CSTPP1: variants seen among roughly 807,000 people sequenced by gnomAD.
CSTPP1 encodes centriolar satellite-associated tubulin polyglutamylase complex regulator 1.
the CSTPP1 span, among the ~76,000 whole-genome samples, chr11:47,152,293 G>A: frequency 1.3e-5 from 2 of 151,938 alleles, no homozygotes; most frequent in Admixed American, 6.6e-5. Context: ...GCACCTGCAG[G>A]GCTGCCCTGC....
the CSTPP1 span, among the ~76,000 whole-genome samples, chr11:47,025,177 A>G: frequency 5.9e-5 from 9 of 152,210 alleles, no homozygotes; most frequent in Non-Finnish European, 1.3e-4. Flanking sequence ...ACATGGATTT[A>G]CCAGTAGCTT....
chr11:47,103,660 A>G, the CSTPP1 span: 1 of 150,168 alleles, frequency 6.7e-6, no homozygotes, highest in Non-Finnish European at 1.4e-5. Flanking sequence ...CCCTGAAACA[A>G]TAGAATGGCC....
At chr11:47,069,750 C>T in the CSTPP1 span, among the ~76,000 whole-genome samples, 1 of 151,868 alleles carries the variant, frequency 6.6e-6, no homozygotes, top group African/African-American at 2.4e-5. Flanking sequence ...ACTCTGTAGC[C>T]CAGGTTGGAG....
chr11:47,126,697 C>T, the CSTPP1 span, among the ~76,000 whole-genome samples: 1 of 151,034 alleles, frequency 6.6e-6, no homozygotes, highest in Non-Finnish European at 1.5e-5. Context: ...TTTGGGAGAC[C>T]GAGGCAGGTG....
the CSTPP1 span, among the ~76,000 whole-genome samples, chr11:47,015,073 T>C: frequency 1.3e-5 from 2 of 152,022 alleles, no homozygotes; most frequent in African/African-American, 4.8e-5. Context: ...AATAAGGAAA[T>C]ATTATCAATT....
the CSTPP1 span, among the ~76,000 whole-genome samples, chr11:46,994,158 C>T: frequency 1.3e-5 from 2 of 152,190 alleles, no homozygotes; most frequent in African/African-American, 2.4e-5. Context: ...AGTTGCTTAT[C>T]AGCTTAAGGA....
At chr11:47,103,717 T>A in the CSTPP1 span, 1 of 136,252 alleles carries the variant, frequency 7.3e-6, no homozygotes, top group East Asian at 2.5e-4. Context: ...CACTCTTGCC[T>A]AGGCTGGAGT....
the CSTPP1 span, among the ~76,000 whole-genome samples, chr11:47,158,904 GAA>G: frequency 1.3e-5 from 2 of 152,180 alleles, no homozygotes; most frequent in African/African-American, 4.8e-5. Flanking sequence ...GAGTCTCAAG[GAA>G]AAGACACACA....
the CSTPP1 span, chr11:47,161,120 C>G: frequency 6.2e-7 from 1 of 1,614,136 alleles, no homozygotes; most frequent in South Asian, 1.1e-5. Context: ...CCCCAATGAT[C>G]TCCTAGGAGC....
the CSTPP1 span, among the ~76,000 whole-genome samples, chr11:47,086,009 A>G: frequency 2.0e-5 from 3 of 151,980 alleles, no homozygotes; most frequent in Non-Finnish European, 4.4e-5. Context: ...TCAGAAGATT[A>G]GAGTCAAGGA....
the CSTPP1 span, chr11:47,041,975 G>A: frequency 1.4e-5 from 3 of 217,574 alleles, 1 homozygote; most frequent in Non-Finnish European, 9.7e-6. Context: ...AGACTGAGGT[G>A]GAAGGATCAC....
chr11:47,066,317 G>A, the CSTPP1 span, among the ~76,000 whole-genome samples: 3 of 151,838 alleles, frequency 2.0e-5, no homozygotes, highest in Non-Finnish European at 4.4e-5. Flanking sequence ...GCCACTGTGT[G>A]AAATTTGCAC....
chr11:47,000,506 C>T, the CSTPP1 span, among the ~76,000 whole-genome samples: 63 of 152,116 alleles, frequency 4.1e-4, no homozygotes, highest in African/African-American at 1.4e-3. Flanking sequence ...GTCTTGTTTT[C>T]GTTTTTTAAA....
the CSTPP1 span, among the ~76,000 whole-genome samples, chr11:46,993,249 C>A: frequency 6.6e-6 from 1 of 152,060 alleles, no homozygotes; most frequent in African/African-American, 2.4e-5. Flanking sequence ...TAATTATACC[C>A]CATTTCTCAG....
the CSTPP1 span, among the ~76,000 whole-genome samples, chr11:47,073,020 T>C: frequency 2.2e-4 from 34 of 152,290 alleles, no homozygotes; most frequent in African/African-American, 7.9e-4. Flanking sequence ...TGGAAGGAGG[T>C]TTACTGAAAT....
At chr11:47,022,414 G>GACTGGAGT in the CSTPP1 span, among the ~76,000 whole-genome samples, 1 of 108,558 alleles carries the variant, frequency 9.2e-6, no homozygotes, top group African/African-American at 3.6e-5. Flanking sequence ...CTGTCACCCA[G>GACTGGAGT]ACTGGAGTAC....
At chr11:46,956,919 G>GTATA in the CSTPP1 span, among the ~76,000 whole-genome samples, 1 of 150,208 alleles carries the variant, frequency 6.7e-6, no homozygotes, top group African/African-American at 2.4e-5. Context: ...TAGTATATAT[G>GTATA]TATATATATA....
At chr11:46,973,117 A>G in the CSTPP1 span, among the ~76,000 whole-genome samples, 2 of 152,202 alleles carry the variant, frequency 1.3e-5, no homozygotes, top group African/African-American at 2.4e-5. Flanking sequence ...GAGCAATACA[A>G]ATGTTTTTGT....
chr11:46,982,341 A>G, the CSTPP1 span, among the ~76,000 whole-genome samples: 1 of 152,092 alleles, frequency 6.6e-6, no homozygotes, highest in Non-Finnish European at 1.5e-5. Context: ...TTTCACTTGT[A>G]CTGCTATTGC....
Sources: gnomAD v4.1 joint callset for allele counts (sites outside exome capture counted in the v4.1 genomes callset) on GRCh38, gnomAD v4.1.1 for gene constraint, MANE v1.5 for transcripts, NCBI Gene and HGNC (gene_info 2026-07-23, HGNC 2026-07-21) for gene names.